The following PCYT1B variants were observed in gnomAD, a reference collection of about 807,000 sequenced individuals.
PCYT1B encodes the protein choline-phosphate cytidylyltransferase B.
In PCYT1B, 10 loss-of-function variants were observed where a neutral mutation model predicts 26.4. The observed-to-expected ratio is 0.38, with a 90% CI of 0.23 to 0.64. The LOEUF (loss-of-function observed/expected upper bound fraction) is 0.64, where lower values mean the gene tolerates loss of function less well. Ranked by LOEUF, PCYT1B falls within the 30% of genes least tolerant of loss-of-function variation. The pLI is 0.56. For synonymous variants in PCYT1B, 131 were observed against 108.4 expected, an observed-to-expected ratio of 1.21 and a Z score of -1.29; for missense variants, 161 against 292.7, an observed-to-expected ratio of 0.55 and a Z score of 3.28.
At chrX:24,600,031 C>T (rs1030399255) in intron 3 of PCYT1B, among the ~76,000 whole-genome samples, 4 of 110,600 alleles carry the variant, frequency 3.6e-5, no homozygotes, top group African/African-American at 1.3e-4. Context: ...CCTCAGCCTC[C>T]CTAGTAGCTG....
At chrX:24,568,820 C>T (rs375013603) in intron 7 of PCYT1B, among the ~76,000 whole-genome samples, 2 of 111,171 alleles carry the variant, frequency 1.8e-5, no homozygotes, top group African/African-American at 6.5e-5. Flanking sequence ...TGGGGCCGGG[C>T]GCAGTGGCTC....
intron 7 of PCYT1B, among the ~76,000 whole-genome samples, chrX:24,567,203 C>T (rs1214047953): frequency 4.4e-5 from 5 of 112,408 alleles, no homozygotes; most frequent in Non-Finnish European, 7.5e-5. Flanking sequence ...AAGAAATCTA[C>T]GACTTGTCTA....
chrX:24,570,411 G>A (rs752014478), intron 7 of PCYT1B, among the ~76,000 whole-genome samples: 1 of 107,230 alleles, frequency 9.3e-6, no homozygotes, highest in Admixed American at 1.0e-4. Flanking sequence ...GTACCACCAT[G>A]CCTGGCTAAT....
intron 3 of PCYT1B, among the ~76,000 whole-genome samples, chrX:24,590,790 CTTTTT>C (rs1226692293): frequency 1.3e-5 from 1 of 75,337 alleles, no homozygotes. Flanking sequence ...TCACATCTCT[CTTTTT>C]TTTTTTTTTT....
chrX:24,587,675 C>T (rs991255382), intron 4 of PCYT1B, among the ~76,000 whole-genome samples: 15 of 111,531 alleles, frequency 1.3e-4, no homozygotes, highest in African/African-American at 4.9e-4. Flanking sequence ...GATGAGGAAC[C>T]CAAATCTTCA....
chrX:24,607,716 T>C (rs751782692), intron 3 of PCYT1B, 29 bp downstream of exon 3: 1 of 847,581 alleles, frequency 1.2e-6, no homozygotes, highest in Non-Finnish European at 1.7e-6. Context: ...AAAAGAGTTT[T>C]CTAGACAAAA....
At chrX:24,596,307 T>C (rs1482446838) in intron 3 of PCYT1B, among the ~76,000 whole-genome samples, 1 of 111,628 alleles carries the variant, frequency 9.0e-6, no homozygotes, top group African/African-American at 3.3e-5. Context: ...AGTGCAGGTA[T>C]TGGGCCAGGT....
intron 1 of PCYT1B, among the ~76,000 whole-genome samples, chrX:24,629,533 C>T (rs755426348): frequency 5.3e-5 from 4 of 75,478 alleles, no homozygotes; most frequent in African/African-American, 2.1e-4. Context: ...GCACTCCAGC[C>T]TGGGTGAAAG....
intron 1 of PCYT1B, among the ~76,000 whole-genome samples, chrX:24,663,422 G>T (rs1214960465): frequency 8.9e-6 from 1 of 112,215 alleles, no homozygotes; most frequent in Admixed American, 9.5e-5. Context: ...CAAGTGTTTG[G>T]CTGAATGCCT....
chrX:24,566,600 A>G (rs1402184889), intron 7 of PCYT1B, among the ~76,000 whole-genome samples: 1 of 111,715 alleles, frequency 9.0e-6, no homozygotes, highest in African/African-American at 3.3e-5. Context: ...CTTTTATCAT[A>G]AAAAAGCATC....
At chrX:24,562,587 G>A in intron 7 of PCYT1B, 82 bp from the exon 8 acceptor site, 1 of 860,713 alleles carries the variant, frequency 1.2e-6, no homozygotes, top group Non-Finnish European at 1.7e-6. Context: ...GCAGGCAGGA[G>A]AGCCACTACC....
chrX:24,564,413 C>T (rs1241646510), intron 7 of PCYT1B, among the ~76,000 whole-genome samples: 2 of 106,952 alleles, frequency 1.9e-5, no homozygotes, highest in Non-Finnish European at 3.9e-5. Context: ...AGTGCAGTGG[C>T]GCGATCTCGG....
intron 3 of PCYT1B, among the ~76,000 whole-genome samples, chrX:24,590,413 T>C (rs1269200513): frequency 8.9e-6 from 1 of 112,269 alleles, no homozygotes; most frequent in African/African-American, 3.2e-5. Context: ...CCACTGTGGC[T>C]TCTATTAAAA....
At position 24,562,304 on chromosome X, in the gene PCYT1B, C is replaced by A; in HGVS notation, c.1099G>T (p.Asp367Tyr). The A allele has an allele frequency of 8.7e-7, 1 of 1,155,080 alleles. No homozygotes were observed. Among genetic ancestry groups the A allele is most frequent in the Non-Finnish European group, 1.2e-6 (1 of 866,834 alleles). ...CCTCCCAGCAGCCTCTACTTTTCATCCTCATCCCCCTCGCTCATGCTGCTG... is the reference window on the plus strand; with the variant it reads ...CCTCCCAGCAGCCTCTACTTTTCATACTCATCCCCCTCGCTCATGCTGCTG... ...SISSMSEGDE[D>Y]EK Residue 367 changes from aspartate (D) to tyrosine (Y), a missense_variant, in exon 8 of 8, where the codon GAT becomes TAT. Transcript: ENST00000379144.
chrX:24,562,889 G>A (rs1346468105), intron 7 of PCYT1B, among the ~76,000 whole-genome samples: 3 of 109,724 alleles, frequency 2.7e-5, no homozygotes, highest in East Asian at 2.9e-4. Context: ...CACCATGCCC[G>A]GCTAATTTTG....
intron 1 of PCYT1B, among the ~76,000 whole-genome samples, chrX:24,629,871 C>T (rs1314597831): frequency 9.0e-6 from 1 of 111,455 alleles, no homozygotes; most frequent in Non-Finnish European, 1.9e-5. Context: ...AGTAAAGTCA[C>T]ATTTCATTGA....
intron 3 of PCYT1B, among the ~76,000 whole-genome samples, chrX:24,604,090 A>AT (rs59247936): frequency 7.5e-4 from 76 of 100,931 alleles, no homozygotes; most frequent in South Asian, 1.4e-3. Flanking sequence ...ATGTCACTGA[A>AT]TTTTTTTTTT....
At chrX:24,667,513 T>C (rs1177875087) in intron 1 of PCYT1B, among the ~76,000 whole-genome samples, 3 of 110,830 alleles carry the variant, frequency 2.7e-5, no homozygotes, top group Non-Finnish European at 5.7e-5. Flanking sequence ...GGTCAGGAGT[T>C]TGAGACCAGC....
At position 24,569,310 on chromosome X, in the gene PCYT1B, G is replaced by T. The variant is rs143864288; in HGVS notation, c.897+5820C>A. Among the ~76,000 whole-genome samples, 50 of 110,362 alleles carry T rather than the reference G, an allele frequency of 4.5e-4. 1 individual carries two copies. The highest frequency in any genetic ancestry group is 4.2e-3 in the Admixed American group (43 of 10,294). ...ACAGAAAATAACAAGTGTTGGTGAG[G>T]ATGTGGAGAAATTAGATCCCTGTGC... On this transcript the variant is annotated intron_variant, in intron 7 of 7. Coordinates refer to ENST00000379144, the MANE Select transcript of PCYT1B (RefSeq NM_004845.5).
Sources: allele counts gnomAD v4.1 joint callset (sites outside exome capture counted in the v4.1 genomes callset), GRCh38; gene constraint gnomAD v4.1.1; transcripts MANE v1.5; gene names NCBI Gene and HGNC (gene_info 2026-07-23, HGNC 2026-07-21).